REDIC1: variants seen among roughly 807,000 people sequenced by gnomAD.
REDIC1 encodes the protein HEI10 Interacting Protein 1.
the REDIC1 span, among the ~76,000 whole-genome samples, chr12:39,840,050 G>A: frequency 6.7e-6 from 1 of 150,226 alleles, no homozygotes; most frequent in Non-Finnish European, 1.5e-5. Flanking sequence ...TTTTGTTTTT[G>A]AGACAGAGTC....
chr12:39,643,719 T>G, the REDIC1 span: 2 of 1,195,322 alleles, frequency 1.7e-6, no homozygotes, highest in East Asian at 5.3e-5. Flanking sequence ...TTTTTATTAT[T>G]TATAATTCTG....
the REDIC1 span, among the ~76,000 whole-genome samples, chr12:39,698,931 C>A: frequency 6.6e-6 from 1 of 151,992 alleles, no homozygotes; most frequent in Non-Finnish European, 1.5e-5. Context: ...TCTTAAAGAA[C>A]TAGAACGGCA....
At chr12:39,668,162 C>T in the REDIC1 span, among the ~76,000 whole-genome samples, 4 of 151,908 alleles carry the variant, frequency 2.6e-5, no homozygotes, top group East Asian at 3.9e-4. Context: ...TTCCTAGTCT[C>T]GATGGTCTTT....
At chr12:39,901,374 C>CAA in the REDIC1 span, among the ~76,000 whole-genome samples, 1 of 150,400 alleles carries the variant, frequency 6.6e-6, no homozygotes, top group African/African-American at 2.4e-5. Flanking sequence ...TTCTGCACAG[C>CAA]AAAAGAAACT....
At chr12:39,889,781 T>C in the REDIC1 span, among the ~76,000 whole-genome samples, 3 of 152,054 alleles carry the variant, frequency 2.0e-5, no homozygotes, top group African/African-American at 4.8e-5. Flanking sequence ...CTGCCCGCCT[T>C]GGCCTCCCAA....
the REDIC1 span, among the ~76,000 whole-genome samples, chr12:39,712,117 T>C: frequency 6.9e-4 from 67 of 96,630 alleles, no homozygotes; most frequent in African/African-American, 2.1e-3. Flanking sequence ...TATATACCTG[T>C]ATATATACCT....
chr12:39,721,151 G>A, the REDIC1 span: 5 of 1,613,668 alleles, frequency 3.1e-6, no homozygotes, highest in Non-Finnish European at 4.2e-6. Flanking sequence ...ATTTCAAAAT[G>A]TACATGTAGA....
chr12:39,758,437 C>G, the REDIC1 span: 1 of 151,740 alleles, frequency 6.6e-6, no homozygotes, highest in Non-Finnish European at 1.5e-5. Flanking sequence ...AAATACAGTA[C>G]CTTATTAGAT....
chr12:39,672,123 C>T, the REDIC1 span, among the ~76,000 whole-genome samples: 1 of 152,028 alleles, frequency 6.6e-6, no homozygotes, highest in Non-Finnish European at 1.5e-5. Context: ...TATTAAGCCA[C>T]CTGGTGGTGT....
At chr12:39,709,988 T>C in the REDIC1 span, among the ~76,000 whole-genome samples, 2 of 151,818 alleles carry the variant, frequency 1.3e-5, no homozygotes, top group Non-Finnish European at 2.9e-5. Flanking sequence ...ATATTTATTA[T>C]TTTTTGTTTT....
chr12:39,788,336 G>A, the REDIC1 span, among the ~76,000 whole-genome samples: 4 of 152,206 alleles, frequency 2.6e-5, no homozygotes, highest in South Asian at 6.2e-4. Flanking sequence ...CCATTATTAA[G>A]TAACAAATAA....
chr12:39,845,621 A>G, the REDIC1 span, among the ~76,000 whole-genome samples: 2 of 152,106 alleles, frequency 1.3e-5, no homozygotes, highest in African/African-American at 4.8e-5. Context: ...CCAGAATGAC[A>G]TTTGGTTGGA....
At chr12:39,685,295 C>T in the REDIC1 span, among the ~76,000 whole-genome samples, 1 of 152,086 alleles carries the variant, frequency 6.6e-6, no homozygotes, top group Admixed American at 6.6e-5. Flanking sequence ...GCAGGCTGTA[C>T]AGGAAGCATG....
chr12:39,827,176 A>G, the REDIC1 span, among the ~76,000 whole-genome samples: 46 of 151,840 alleles, frequency 3.0e-4, no homozygotes, highest in Non-Finnish European at 5.9e-4. Context: ...TTTAGGACCT[A>G]CTTTTCATTC....
the REDIC1 span, chr12:39,757,535 G>GTAA: frequency 6.6e-6 from 1 of 151,510 alleles, no homozygotes; most frequent in African/African-American, 2.4e-5. Flanking sequence ...TCCTTTTCAA[G>GTAA]TAATTGTTTC....
At chr12:39,872,710 C>A in the REDIC1 span, among the ~76,000 whole-genome samples, 1 of 152,188 alleles carries the variant, frequency 6.6e-6, no homozygotes, top group East Asian at 1.9e-4. Flanking sequence ...CAAGACATTT[C>A]TTTTCTGGTG....
the REDIC1 span, among the ~76,000 whole-genome samples, chr12:39,666,277 G>T: frequency 6.6e-6 from 1 of 152,104 alleles, no homozygotes; most frequent in African/African-American, 2.4e-5. Flanking sequence ...TAGCATGAAG[G>T]GTTGTTGAAT....
At chr12:39,626,224 G>A in the REDIC1 span, 1 of 1,151,958 alleles carries the variant, frequency 8.7e-7, no homozygotes, top group Non-Finnish European at 1.3e-6. Flanking sequence ...GCTTACTCGG[G>A]CCCTGACGTT....
chr12:39,754,570 A>G, the REDIC1 span, among the ~76,000 whole-genome samples: 1 of 152,098 alleles, frequency 6.6e-6, no homozygotes, highest in African/African-American at 2.4e-5. Context: ...AAACAAGTGT[A>G]TATTTGCTAA....
Sources: gnomAD v4.1 joint callset for allele counts (sites outside exome capture counted in the v4.1 genomes callset) on GRCh38, gnomAD v4.1.1 for gene constraint, MANE v1.5 for transcripts, NCBI Gene and HGNC (gene_info 2026-07-23, HGNC 2026-07-21) for gene names.